GAS6: variants seen among roughly 807,000 people sequenced by gnomAD.
GAS6 encodes growth arrest specific 6, also known as growth arrest-specific protein 6.
Under a neutral mutation model 75.8 loss-of-function variants are expected in GAS6, and 41 were observed. That is an observed-to-expected ratio of 0.54 (90% CI 0.42 to 0.70). GAS6 has a LOEUF of 0.70. GAS6 is among the 30% of genes least tolerant of loss of function. The pLI, the probability that GAS6 is intolerant of heterozygous loss-of-function variation, is 0.00. For missense variants in GAS6, 854 were observed against 940.2 expected, an observed-to-expected ratio of 0.91 and a Z score of 1.20; for synonymous variants, 432 against 412.6, an observed-to-expected ratio of 1.05 and a Z score of -0.57.
intron 12 of GAS6, among the ~76,000 whole-genome samples, chr13:113,823,936 G>A (rs774413791): frequency 3.3e-5 from 5 of 152,252 alleles, no homozygotes; most frequent in Non-Finnish European, 7.3e-5. Flanking sequence ...GCGTGGCCTC[G>A]TGCCTCGCAT....
intron 6 of GAS6, chr13:113,836,029 T>C (rs1039949293): frequency 2.7e-5 from 27 of 1,012,902 alleles, no homozygotes; most frequent in Non-Finnish European, 3.2e-5. Context: ...GAGAAGCATT[T>C]ACTGGTTTCA....
chr13:113,826,821 G>C (rs1037552408), intron 12 of GAS6, among the ~76,000 whole-genome samples, 175 bp downstream of exon 12: 1 of 152,170 alleles, frequency 6.6e-6, no homozygotes, highest in African/African-American at 2.4e-5. Flanking sequence ...TGGCCATCCT[G>C]AGAGGTGGGC....
intron 10 of GAS6, 86 bp downstream of exon 10, chr13:113,832,213 C>T: frequency 7.0e-7 from 1 of 1,435,732 alleles, no homozygotes. Context: ...AGCTCATCTC[C>T]TAACGGTTGC....
Position 113,839,809 on chromosome 13 carries a change from C to A in GAS6, c.385G>T (p.Gly129Trp), listed in dbSNP as rs1404580186. ...ATGAGGTCCTGGCAGGCTTGGGTCC[C>A]CTTCCTATCGCAGGGGTTGGGCGTG... The part of the protein sequence containing the change: ...QCTPNPCDRK[G>W]TQACQDLMGN... The change falls in exon 5 of 15, where the codon GGG becomes TGG. Residue 129 changes from glycine (G) to tryptophan (W), a missense_variant. By Grantham distance (184) the Gly-to-Trp change is radical (BLOSUM62 -2). Transcript: ENST00000327773. 2 of 1,613,898 alleles carry A rather than the reference C, an allele frequency of 1.2e-6. No individual in the cohort carries two copies. The highest frequency in any genetic ancestry group is 1.3e-5 in the African/African-American group (1 of 74,934).
rs374803642 is a variant in GAS6 at position 113,858,661 on chromosome 13, GTC to G, written c.255+4912_255+4913del. ...TGTGTTTGTGACTGTATGTGTACAT[GTC>G]TGTGTGTGCCTATGTATGCATGTCT... On this transcript the variant is annotated intron_variant, in intron 2 of 14. Coordinates refer to ENST00000327773, the MANE Select transcript of GAS6 (RefSeq NM_000820.4). 5.2e-3 allele frequency among the ~76,000 whole-genome samples: 466 copies of G among 89,204 alleles called. 7 individuals are homozygous for G. The highest frequency in any genetic ancestry group is 0.018 in the African/African-American group (428 of 23,198). 58.5% of individuals were successfully genotyped at this position (89,204 alleles called of 152,430 possible).
At chr13:113,842,640 A>C (rs1013906028) in intron 4 of GAS6, 12 of 397,134 alleles carry the variant, frequency 3.0e-5, no homozygotes, top group Non-Finnish European at 5.3e-5. Context: ...CTCTGGGGGC[A>C]GGAGGGAGTC....
At position 113,858,788 on chromosome 13, in the gene GAS6, T is replaced by C. The variant is rs992446247; in HGVS notation, c.255+4787A>G. ...GTGTCATTATGCATGTGTGTACATG[T>C]CTGTGACTGTATGTATGTCTATGTG... On this transcript the variant is annotated intron_variant, in intron 2 of 14. Coordinates refer to ENST00000327773, the MANE Select transcript of GAS6 (RefSeq NM_000820.4). Among the ~76,000 whole-genome samples, 4 of 152,058 alleles carry C rather than the reference T, an allele frequency of 2.6e-5. 1 individual carries two copies. In the South Asian group the frequency reaches 6.2e-4, roughly 24 times the overall value.
At chr13:113,838,322 T>A (rs1417223756) in intron 5 of GAS6, 131 bp from the exon 6 acceptor site, 1 of 1,041,480 alleles carries the variant, frequency 9.6e-7, no homozygotes, top group Non-Finnish European at 1.4e-6. Context: ...AGCCCAGCCC[T>A]GGAGCAGAGA....
At chr13:113,830,275 T>C (rs1285128887) in intron 10 of GAS6, among the ~76,000 whole-genome samples, 2 of 151,808 alleles carry the variant, frequency 1.3e-5, no homozygotes, top group Non-Finnish European at 2.9e-5. Context: ...GGGGTCCTCA[T>C]GAGGTACCCC....
intron 2 of GAS6, among the ~76,000 whole-genome samples, chr13:113,855,116 C>T (rs752119387): frequency 2.0e-4 from 30 of 152,250 alleles, no homozygotes; most frequent in Non-Finnish European, 4.1e-4. Context: ...TAGTCGTGGG[C>T]ACAGGGCCAG....
rs1299140948 is a variant in GAS6 at position 113,824,075 on chromosome 13, GGGTCTGAGCTGTCAGGAGCACCCGC to G, written c.1478-550_1478-526del. Among the ~76,000 whole-genome samples the G allele has an allele frequency of 6.1e-5, 9 of 147,690 alleles. No homozygotes were observed. The East Asian group carries it at 1.7e-3, about 29-fold the overall frequency. On this transcript the variant is annotated intron_variant, in intron 12 of 14. Coordinates refer to ENST00000327773, the MANE Select transcript of GAS6 (RefSeq NM_000820.4). ...AGCTGTCAGGAGCACGCGCGGTCTGGGGTCTGAGCTGTCAGGAGCACCCGCGGTCTGAGTTCTGAGCTGTCAGGAG... is the reference window on the plus strand; with the variant it reads ...AGCTGTCAGGAGCACGCGCGGTCTGGGGTCTGAGTTCTGAGCTGTCAGGAG...
Position 113,863,587 on chromosome 13 carries a change from G to A in GAS6, c.243C>T (p.Asn81=). Residue 81 remains asparagine, a synonymous_variant, in exon 2 of 15, where the codon AAC becomes AAT. Coordinates refer to ENST00000327773, the MANE Select transcript of GAS6 (RefSeq NM_000820.4). The surrounding 1 kb of genome is among the most constrained non-coding windows in gnomAD (Gnocchi z 9.4). ...SREEAREVFE[N]DPETDYFYPR... ...GCCGGCTGCTCACCGTCTCGGGGTC[G>A]TTCTCGAACACCTCCCGCGCCTCCT... 2.0e-6 allele frequency: 3 copies of A among 1,515,762 alleles called. No individual in the cohort carries two copies. The highest frequency in any genetic ancestry group is 2.7e-5 in the East Asian group (1 of 36,554). The allele number at this position is 1,515,762 out of a possible 1,614,324, so 93.9% of individuals were successfully genotyped here. A position where few individuals can be genotyped will look rare whatever the true frequency, so the allele number is the denominator to read the frequency against.
intron 4 of GAS6, chr13:113,842,743 G>C (rs982716631): frequency 2.5e-6 from 1 of 396,942 alleles, no homozygotes; most frequent in African/African-American, 2.1e-5. Context: ...AGGGATGTCT[G>C]GGGGATGCTG....
Position 113,823,457 on chromosome 13 carries a change from G to A in GAS6, c.1571C>T (p.Ala524Val). The A allele has an allele frequency of 6.2e-7, 1 of 1,612,752 alleles. No homozygotes were observed. The highest frequency in any genetic ancestry group is 8.5e-7 in the Non-Finnish European group (1 of 1,179,948). Residue 524 changes from alanine to valine, a missense_variant, in exon 13 of 15, where the codon GCG becomes GTG. Ala to Val is a moderately conservative substitution (Grantham distance 64). Transcript: ENST00000327773. The part of the protein sequence containing the change: ...RPAADTGVLF[A>V]LWAPDLRAVP... Reference sequence around the variant, plus strand: ...GGCACGGAGGTCGGGGGCCCAGAGCGCAAACAGCACGCCTGTGTCTGCGGC... The same window carrying A: ...GGCACGGAGGTCGGGGGCCCAGAGCACAAACAGCACGCCTGTGTCTGCGGC...
intron 12 of GAS6, among the ~76,000 whole-genome samples, chr13:113,824,019 A>C (rs981689458): frequency 6.6e-6 from 1 of 151,232 alleles, no homozygotes; most frequent in Non-Finnish European, 1.5e-5. Context: ...TGCGGACAGG[A>C]GCTGTCATGA....
intron 2 of GAS6, among the ~76,000 whole-genome samples, chr13:113,852,382 C>T (rs947812455): frequency 4.6e-5 from 7 of 152,166 alleles, no homozygotes; most frequent in African/African-American, 1.2e-4. Context: ...CCTCCTCTGA[C>T]GCCTCCCTGA....
chr13:113,850,605 A>G (rs1417451549), intron 2 of GAS6, among the ~76,000 whole-genome samples: 1 of 152,226 alleles, frequency 6.6e-6, no homozygotes, highest in African/African-American at 2.4e-5. Flanking sequence ...TTCAAGAGGA[A>G]AAAGACAACA....
intron 5 of GAS6, 21 bp from the exon 6 acceptor site, chr13:113,838,212 G>C: frequency 6.2e-7 from 1 of 1,611,538 alleles, no homozygotes. Context: ...GCACAGGCCT[G>C]AAGGGGAGCC....
rs2138608999 is a variant in GAS6, at chr13:113,822,162, T to C, written c.1678A>G (p.Thr560Ala). 1 of 1,577,704 alleles carries C rather than the reference T, an allele frequency of 6.3e-7. No individual in the cohort carries two copies. Among genetic ancestry groups the C allele is most frequent in the Non-Finnish European group, 8.6e-7 (1 of 1,159,458 alleles). Residue 560 changes from threonine to alanine, a missense_variant, in exon 14 of 15, where the codon ACG becomes GCG. Thr to Ala is a moderately conservative substitution (Grantham distance 58). Coordinates refer to ENST00000327773, the MANE Select transcript of GAS6 (RefSeq NM_000820.4). ...TTGATCTCCATTAGGGCCAAGGCCGTATGCTCCACGGCCAGGACCACCAGC... is the reference window on the plus strand; with the variant it reads ...TTGATCTCCATTAGGGCCAAGGCCGCATGCTCCACGGCCAGGACCACCAGC... ...KQLVVLAVEHTALALMEIKVC... is the reference protein window; with the variant it reads ...KQLVVLAVEHAALALMEIKVC...
Sources: gnomAD v4.1 joint callset for allele counts (sites outside exome capture counted in the v4.1 genomes callset) on GRCh38, gnomAD v4.1.1 for gene constraint, Gnocchi (gnomAD v3.1) non-coding constraint, MANE v1.5 for transcripts, NCBI Gene and HGNC (gene_info 2026-07-23, HGNC 2026-07-21) for gene names.